ARHGAP18: variants seen among roughly 807,000 people sequenced by gnomAD.
ARHGAP18 encodes rho GTPase-activating protein 18.
Under a neutral mutation model 86.2 loss-of-function variants are expected in ARHGAP18, and 67 were observed. That is an observed-to-expected ratio of 0.78 (90% CI 0.64 to 0.95). The LOEUF is 0.95. Among genes scored for constraint, ARHGAP18 ranks in the 40% least tolerant of loss-of-function variants. The pLI, the probability that ARHGAP18 is intolerant of heterozygous loss-of-function variation, is 0.00. For missense variants in ARHGAP18, 691 were observed against 780.4 expected, an observed-to-expected ratio of 0.89 and a Z score of 1.37; for synonymous variants, 283 against 280.4, an observed-to-expected ratio of 1.01 and a Z score of -0.09.
At chr6:129,664,505 G>C (rs189888865) in intron 1 of ARHGAP18, among the ~76,000 whole-genome samples, 1 of 151,952 alleles carries the variant, frequency 6.6e-6, no homozygotes, top group Non-Finnish European at 1.5e-5. Flanking sequence ...TGTTAGTAAA[G>C]AGTGGAACCT....
At chr6:129,703,792 A>G (rs1287340828) in intron 1 of ARHGAP18, among the ~76,000 whole-genome samples, 1 of 152,276 alleles carries the variant, frequency 6.6e-6, no homozygotes, top group Non-Finnish European at 1.5e-5. Flanking sequence ...ATGAAATTGA[A>G]GAAGAGATTG....
intron 1 of ARHGAP18, among the ~76,000 whole-genome samples, chr6:129,655,211 C>T (rs9385511): frequency 0.19 from 28,172 of 148,760 alleles, 2,882 homozygotes; most frequent in Non-Finnish European, 0.22. Context: ...CCCAGCTACT[C>T]GGGAGGCTGA....
intron 12 of ARHGAP18, among the ~76,000 whole-genome samples, chr6:129,597,950 G>A (rs1196322241): frequency 1.3e-5 from 2 of 151,792 alleles, no homozygotes; most frequent in Non-Finnish European, 2.9e-5. Flanking sequence ...AAAAGTAAAC[G>A]TTTCAGTTTT....
rs183412164 is a variant in ARHGAP18 at position 129,606,738 on chromosome 6, C to A, written c.1283-779G>T. Among the ~76,000 whole-genome samples, 5 of 152,152 alleles carry A rather than the reference C, an allele frequency of 3.3e-5. No individual in the cohort carries two copies. In the East Asian group the frequency reaches 9.7e-4, roughly 29 times the overall value. On this transcript the variant is annotated intron_variant, in intron 9 of 14. Transcript: ENST00000368149. ...CTTTAAACAGAAGAGATTTCAGTTC[C>A]GTCTCTCCTAGAAATTCTGAAGAAA...
At chr6:129,589,026 G>T (rs1428715937) in intron 12 of ARHGAP18, among the ~76,000 whole-genome samples, 1 of 151,802 alleles carries the variant, frequency 6.6e-6, no homozygotes, top group Non-Finnish European at 1.5e-5. Context: ...GGAGCCCTGG[G>T]CCTGGCACAG....
chr6:129,652,985 T>A (rs1324101142), intron 1 of ARHGAP18, among the ~76,000 whole-genome samples: 1 of 152,102 alleles, frequency 6.6e-6, no homozygotes, highest in Non-Finnish European at 1.5e-5. Context: ...AATAAAAACA[T>A]CAACACAAGG....
intron 4 of ARHGAP18, among the ~76,000 whole-genome samples, chr6:129,629,922 A>C (rs1773162215): frequency 6.6e-6 from 1 of 152,250 alleles, no homozygotes; most frequent in African/African-American, 2.4e-5. Flanking sequence ...TCTCTTGTAA[A>C]GCTAGTAATT....
At chr6:129,615,096 T>C (rs1021351446) in intron 7 of ARHGAP18, among the ~76,000 whole-genome samples, 3 of 152,250 alleles carry the variant, frequency 2.0e-5, no homozygotes, top group Admixed American at 6.5e-5. Flanking sequence ...CTTCTGTTTC[T>C]CTGGAGAACT....
intron 1 of ARHGAP18, among the ~76,000 whole-genome samples, chr6:129,657,108 T>C (rs973677188): frequency 6.6e-6 from 1 of 152,200 alleles, no homozygotes; most frequent in Non-Finnish European, 1.5e-5. Context: ...AAGCTCCAAG[T>C]TGACATTAAT....
intron 10 of ARHGAP18, among the ~76,000 whole-genome samples, chr6:129,601,318 T>C (rs1469986305): frequency 6.6e-6 from 1 of 152,128 alleles, no homozygotes; most frequent in African/African-American, 2.4e-5. Context: ...TTATAAAGAA[T>C]GAGCCAGGCA....
chr6:129,664,399 G>A lies in ARHGAP18; in HGVS notation c.114-22381C>T, dbSNP rs185926830. On this transcript the variant is annotated intron_variant, in intron 1 of 14. Coordinates refer to ENST00000368149, the MANE Select transcript of ARHGAP18 (RefSeq NM_033515.3). ...ATTTGTAAAATAGGAAAGTTAGACTGGCTACTTAAGGTTTTTTTTTTTCAA... is the reference window on the plus strand; with the variant it reads ...ATTTGTAAAATAGGAAAGTTAGACTAGCTACTTAAGGTTTTTTTTTTTCAA... Among the ~76,000 whole-genome samples, 22 of 151,974 alleles carry A rather than the reference G, an allele frequency of 1.4e-4. No homozygotes were observed. The East Asian group carries it at 3.9e-3, about 27-fold the overall frequency.
intron 14 of ARHGAP18, 44 bp downstream of exon 14, chr6:129,580,026 A>T (rs1433561032): frequency 6.6e-7 from 1 of 1,503,870 alleles, no homozygotes; most frequent in East Asian, 2.3e-5. Context: ...CACTGGCAAT[A>T]TCAAAACAGC....
At chr6:129,606,546 C>T (rs1788857816) in intron 9 of ARHGAP18, among the ~76,000 whole-genome samples, 2 of 152,158 alleles carry the variant, frequency 1.3e-5, no homozygotes, top group South Asian at 4.1e-4. Context: ...AAGTAATACT[C>T]ATGGATATTT....
At chr6:129,637,366 C>T (rs911172618) in intron 3 of ARHGAP18, among the ~76,000 whole-genome samples, 5 of 152,168 alleles carry the variant, frequency 3.3e-5, no homozygotes, top group African/African-American at 1.2e-4. Flanking sequence ...TTTTATCATG[C>T]CTTCTCTGAT....
At chr6:129,696,206 T>C (rs1011262173) in intron 1 of ARHGAP18, among the ~76,000 whole-genome samples, 2 of 152,230 alleles carry the variant, frequency 1.3e-5, no homozygotes, top group African/African-American at 4.8e-5. Flanking sequence ...CTGTGTCCCA[T>C]AGTCCCTTAG....
chr6:129,707,934 A>G (rs887533480), intron 1 of ARHGAP18, among the ~76,000 whole-genome samples: 1 of 150,616 alleles, frequency 6.6e-6, no homozygotes, highest in Admixed American at 6.6e-5. Flanking sequence ...CAACCCAGCC[A>G]AAGCCAAAGC....
At chr6:129,641,736 T>G (rs1230847164) in intron 2 of ARHGAP18, 80 bp downstream of exon 2, 2 of 1,319,008 alleles carry the variant, frequency 1.5e-6, no homozygotes, top group Non-Finnish European at 2.1e-6. Context: ...TAATTTTTTT[T>G]TTGTTCTCTT....
chr6:129,652,638 C>A (rs972271998), intron 1 of ARHGAP18, among the ~76,000 whole-genome samples: 11 of 152,182 alleles, frequency 7.2e-5, no homozygotes, highest in Admixed American at 6.5e-4. Flanking sequence ...CGCCAAGATA[C>A]AAATTCCCTC....
intron 7 of ARHGAP18, among the ~76,000 whole-genome samples, chr6:129,615,578 C>T (rs759399365): frequency 5.9e-5 from 9 of 152,188 alleles, no homozygotes; most frequent in South Asian, 2.1e-4. Context: ...AAAGAATCTA[C>T]GGCTTGGGTA....
Sources: allele counts gnomAD v4.1 joint callset (sites outside exome capture counted in the v4.1 genomes callset), GRCh38; gene constraint gnomAD v4.1.1; transcripts MANE v1.5; gene names NCBI Gene and HGNC (gene_info 2026-07-23, HGNC 2026-07-21).